The following XPA variants were observed in gnomAD, a reference collection of about 807,000 sequenced individuals.
XPA encodes DNA repair protein complementing XP-A cells.
A neutral mutation model predicts 35.7 loss-of-function variants in XPA; 27 were observed. The ratio of observed to expected loss-of-function variants is 0.76; its 90% CI spans 0.56 to 1.04. The LOEUF is 1.04. XPA is among the 50% of genes least tolerant of loss of function. XPA has a pLI of 0.00. For synonymous variants in XPA, 133 were observed against 118.4 expected, an observed-to-expected ratio of 1.12 and a Z score of -0.80; for missense variants, 354 against 342.7, an observed-to-expected ratio of 1.03 and a Z score of -0.26.
intron 4 of XPA, among the ~76,000 whole-genome samples, chr9:97,686,529 G>T (rs1828721816): frequency 6.6e-6 from 1 of 152,004 alleles, no homozygotes; most frequent in Admixed American, 6.5e-5. Flanking sequence ...GGTGAAAGAG[G>T]GTAAGGAAAC....
At chr9:97,684,380 A>G (rs1470155577) in intron 5 of XPA, among the ~76,000 whole-genome samples, 1 of 152,228 alleles carries the variant, frequency 6.6e-6, no homozygotes, top group Non-Finnish European at 1.5e-5. Context: ...GGATAGAGAA[A>G]TGACTACTTC....
the XPA span, chr9:97,667,017 T>C: frequency 1.7e-6 from 1 of 603,924 alleles, no homozygotes; most frequent in Admixed American, 3.5e-5. Context: ...CTGAGCCCAA[T>C]TTAATGCAGA....
intron 1 of XPA, among the ~76,000 whole-genome samples, chr9:97,695,287 C>T (rs1829007875): frequency 6.6e-6 from 1 of 152,184 alleles, no homozygotes; most frequent in Admixed American, 6.5e-5. Flanking sequence ...CAATTTCTCC[C>T]TCTATTAAAT....
chr9:97,675,679 T>C, intron 5 of XPA, 92 bp from the exon 6 acceptor site: 1 of 1,427,752 alleles, frequency 7.0e-7, no homozygotes, highest in Non-Finnish European at 9.9e-7. Context: ...CATGTACATG[T>C]GTGTGTGTCT....
chr9:97,679,284 T>A (rs1474929002), intron 5 of XPA, among the ~76,000 whole-genome samples: 1 of 152,156 alleles, frequency 6.6e-6, no homozygotes, highest in African/African-American at 2.4e-5. Flanking sequence ...AGAAAGAGCA[T>A]GCAAATGATG....
chr9:97,656,030 G>C, the XPA span: 3 of 1,613,982 alleles, frequency 1.9e-6, no homozygotes, highest in Non-Finnish European at 2.5e-6. Flanking sequence ...TCTTAGTCAA[G>C]ATCCTGAAAG....
At chr9:97,663,103 A>C in the XPA span, 1 of 1,334,704 alleles carries the variant, frequency 7.5e-7, no homozygotes, top group South Asian at 1.3e-5. Context: ...TATAAAAATA[A>C]GGCCGTTAAT....
chr9:97,679,923 T>C (rs539035434), intron 5 of XPA, among the ~76,000 whole-genome samples: 2 of 152,198 alleles, frequency 1.3e-5, no homozygotes, highest in Non-Finnish European at 2.9e-5. Context: ...TGAGTCTAAC[T>C]GAGGAAACAA....
chr9:97,687,100 A>G lies in XPA; in HGVS notation c.551T>C (p.Leu184Ser). ...TAAATACAACTTATTAGAGACCTGT[A>G]ACTTTAAGTAGAGTTTCATATCACC... ...QWGDMKLYLKLQIVKRSLEVW... is the reference protein window; with the variant it reads ...QWGDMKLYLKSQIVKRSLEVW... Residue 184 changes from leucine to serine, a missense_variant, in exon 4 of 6, where the codon TTA becomes TCA. Coordinates refer to ENST00000375128, the MANE Select transcript of XPA (RefSeq NM_000380.4). The G allele has an allele frequency of 6.2e-7, 1 of 1,609,304 alleles. No individual in the cohort carries two copies. The highest frequency in any genetic ancestry group is 8.5e-7 in the Non-Finnish European group (1 of 1,178,680).
intron 5 of XPA, chr9:97,675,789 G>T: frequency 1.6e-6 from 1 of 636,752 alleles, no homozygotes; most frequent in Non-Finnish European, 2.7e-6. Flanking sequence ...TTCGGCCTGT[G>T]AATCAAGTTG....
the XPA span, chr9:97,666,897 G>GT: frequency 1.0e-5 from 15 of 1,486,274 alleles, no homozygotes; most frequent in Middle Eastern, 1.7e-4. Context: ...GTGTAAACTT[G>GT]TAAGTAGTTA....
intron 5 of XPA, 89 bp from the exon 6 acceptor site, chr9:97,675,676 ATG>A (rs919014517): frequency 1.1e-5 from 16 of 1,449,610 alleles, no homozygotes; most frequent in African/African-American, 4.2e-5. Context: ...AGCCATGTAC[ATG>A]TGTGTGTGTC....
At chr9:97,671,319 G>A (rs1196116752), downstream of XPA, 4 of 712,146 alleles carry the variant, frequency 5.6e-6, no homozygotes, top group Admixed American at 6.0e-5. Context: ...AGGAAACAAA[G>A]GGGAAGAGGA....
chr9:97,668,905 A>G, the XPA span: 4 of 1,613,686 alleles, frequency 2.5e-6, no homozygotes, highest in African/African-American at 5.3e-5. Flanking sequence ...AGGAACAAAT[A>G]GAACGACTTC....
chr9:97,661,737 T>G, the XPA span, among the ~76,000 whole-genome samples: 14 of 151,248 alleles, frequency 9.3e-5, no homozygotes, highest in African/African-American at 2.2e-4. Context: ...TAAGTGTTTT[T>G]TTTTTTTTTT....
the XPA span, among the ~76,000 whole-genome samples, chr9:97,668,457 C>T: frequency 6.6e-6 from 1 of 152,300 alleles, no homozygotes; most frequent in African/African-American, 2.4e-5. Context: ...CAAGAATGAG[C>T]AGCCTTGGCC....
chr9:97,662,749 T>G, the XPA span, among the ~76,000 whole-genome samples: 1 of 152,262 alleles, frequency 6.6e-6, no homozygotes, highest in African/African-American at 2.4e-5. Context: ...CGGTAGTATA[T>G]TGTAAATGTC....
At chr9:97,662,100 C>G in the XPA span, 1 of 1,613,948 alleles carries the variant, frequency 6.2e-7, no homozygotes, top group Non-Finnish European at 8.5e-7. Flanking sequence ...CTCTGCTACA[C>G]TTGGCAGCCA....
the XPA span, among the ~76,000 whole-genome samples, chr9:97,663,840 T>G: frequency 7.2e-5 from 11 of 151,866 alleles, no homozygotes; most frequent in African/African-American, 2.7e-4. Flanking sequence ...GTCAACCTGT[T>G]TCTTGTAGTG....
Sources: gnomAD v4.1 joint callset for allele counts (sites outside exome capture counted in the v4.1 genomes callset) on GRCh38, gnomAD v4.1.1 for gene constraint, MANE v1.5 for transcripts, NCBI Gene and HGNC (gene_info 2026-07-23, HGNC 2026-07-21) for gene names.